ST18: variants seen among roughly 807,000 people sequenced by gnomAD.
ST18 encodes ST18 C2H2C-type zinc finger transcription factor.
ST18 carries 50 observed loss-of-function variants against 110.0 expected under a neutral mutation model. The observed-to-expected ratio is 0.45, with a 90% CI of 0.36 to 0.58. The LOEUF is 0.58. Among genes scored for constraint, ST18 ranks in the 20% least tolerant of loss-of-function variants. ST18 has a pLI of 0.00. For synonymous variants in ST18, 461 were observed against 452.4 expected (o/e 1.02, Z -0.24); for missense variants, 1,306 against 1,280.1 (o/e 1.02, Z -0.31).
intron 15 of ST18, among the ~76,000 whole-genome samples, chr8:52,156,372 C>T (rs1043524001): frequency 3.9e-5 from 6 of 152,194 alleles, no homozygotes; most frequent in Non-Finnish European, 7.3e-5. Context: ...CTTATTTCTA[C>T]ACATGAAACT....
intron 2 of ST18, among the ~76,000 whole-genome samples, chr8:52,337,237 A>G (rs1812549384): frequency 6.6e-6 from 1 of 152,380 alleles, no homozygotes; most frequent in East Asian, 1.9e-4. Flanking sequence ...TAAGAAAAAC[A>G]GAAAGATGGG....
intron 2 of ST18, among the ~76,000 whole-genome samples, chr8:52,368,201 A>G (rs1828903385): frequency 6.6e-6 from 1 of 152,158 alleles, no homozygotes; most frequent in African/African-American, 2.4e-5. Context: ...AGCATCCCTA[A>G]CACCCAAAAA....
chr8:52,272,070 C>T (rs1240046017), intron 2 of ST18, among the ~76,000 whole-genome samples: 1 of 152,068 alleles, frequency 6.6e-6, no homozygotes, highest in Non-Finnish European at 1.5e-5. Context: ...TGGATTAAAG[C>T]CTTAAATGTA....
At chr8:52,324,079 C>T (rs940289187) in intron 2 of ST18, among the ~76,000 whole-genome samples, 7 of 152,152 alleles carry the variant, frequency 4.6e-5, no homozygotes, top group African/African-American at 1.4e-4. Flanking sequence ...GAATGTTCCC[C>T]AGACTCTGTC....
At chr8:52,130,128 A>AAAAG (rs2048837229) in intron 22 of ST18, among the ~76,000 whole-genome samples, 2 of 132,420 alleles carry the variant, frequency 1.5e-5, no homozygotes, top group Admixed American at 7.2e-5. Context: ...GAAAAGAAAG[A>AAAAG]AAGAAAGAAA....
At chr8:52,232,343 A>C (rs1181975521) in intron 2 of ST18, among the ~76,000 whole-genome samples, 1 of 152,238 alleles carries the variant, frequency 6.6e-6, no homozygotes, top group Non-Finnish European at 1.5e-5. Context: ...ATCAAATATA[A>C]GCTCACAAAT....
intron 2 of ST18, among the ~76,000 whole-genome samples, chr8:52,268,666 C>T (rs757477809): frequency 5.3e-5 from 8 of 152,114 alleles, no homozygotes; most frequent in South Asian, 2.1e-4. Context: ...TCTAGAGGAG[C>T]GGTAAAGGAA....
chr8:52,118,305 C>CT (rs2043298141), intron 24 of ST18, 33 bp downstream of exon 24: 1 of 1,398,042 alleles, frequency 7.2e-7, no homozygotes, highest in Admixed American at 1.9e-5. Context: ...ATTATGATTA[C>CT]ATTAAGGATC....
rs544443605 is a variant in ST18, at chr8:52,378,647, C to T, written c.-465+30681G>A. 3.3e-5 allele frequency among the ~76,000 whole-genome samples: 5 copies of T among 152,274 alleles called. No individual in the cohort carries two copies. In the East Asian group the frequency reaches 5.8e-4, roughly 18 times the overall value. ...ATCCTATATACATATATGACCCAAG[C>T]ATAAGTTTTTCAAACATTGGGGAGT... On this transcript the variant is annotated intron_variant, in intron 2 of 25. Transcript: ENST00000689386.
intron 8 of ST18, among the ~76,000 whole-genome samples, chr8:52,202,540 C>T (rs892903991): frequency 6.6e-6 from 1 of 152,084 alleles, no homozygotes; most frequent in Non-Finnish European, 1.5e-5. Flanking sequence ...AATGACAAAA[C>T]AGCTACAATT....
intron 2 of ST18, among the ~76,000 whole-genome samples, chr8:52,305,377 C>A (rs1273603305): frequency 6.6e-6 from 1 of 152,196 alleles, no homozygotes. Context: ...ACTAAGCTGT[C>A]AGCCTCCTTG....
intron 18 of ST18, 59 bp downstream of exon 18, chr8:52,137,362 A>C: frequency 1.3e-6 from 2 of 1,564,036 alleles, no homozygotes; most frequent in Admixed American, 3.4e-5. Context: ...GGGTGAGAAT[A>C]AGTATTTAAA....
chr8:52,382,752 ATTTTTT>A (rs57816349), intron 2 of ST18, among the ~76,000 whole-genome samples: 1 of 143,344 alleles, frequency 7.0e-6, no homozygotes, highest in African/African-American at 2.6e-5. Context: ...TTCATTTACA[ATTTTTT>A]TTTTTTTTTG....
chr8:52,332,174 A>G (rs142792750), intron 2 of ST18, among the ~76,000 whole-genome samples: 3 of 152,290 alleles, frequency 2.0e-5, no homozygotes, highest in African/African-American at 7.2e-5. Context: ...ATATTATACT[A>G]AACAACCTAA....
At chr8:52,375,022 C>T (rs1831736782) in intron 2 of ST18, among the ~76,000 whole-genome samples, 1 of 152,058 alleles carries the variant, frequency 6.6e-6, no homozygotes, top group Non-Finnish European at 1.5e-5. Context: ...TAACACAAAC[C>T]CTCCAGACTC....
chr8:52,117,522 T>C (rs573783500), intron 24 of ST18, among the ~76,000 whole-genome samples: 1 of 152,334 alleles, frequency 6.6e-6, no homozygotes, highest in South Asian at 2.1e-4. Flanking sequence ...GGAATTCCCA[T>C]GATTTCTAGA....
chr8:52,375,281 A>C (rs1024236139), intron 2 of ST18, among the ~76,000 whole-genome samples: 37 of 152,078 alleles, frequency 2.4e-4, no homozygotes, highest in African/African-American at 8.9e-4. Context: ...CAACTCTTTT[A>C]TTTGCTCCCC....
intron 2 of ST18, among the ~76,000 whole-genome samples, chr8:52,367,405 G>C (rs1210968548): frequency 2.6e-5 from 4 of 152,096 alleles, no homozygotes; most frequent in Admixed American, 2.6e-4. Flanking sequence ...CTGGGCAATA[G>C]AGTGAGACTT....
chr8:52,372,854 T>C (rs761481747), intron 2 of ST18, among the ~76,000 whole-genome samples: 2 of 152,222 alleles, frequency 1.3e-5, no homozygotes, highest in African/African-American at 2.4e-5. Context: ...CATAACTATA[T>C]AGCAAAATGT....
Sources: allele counts gnomAD v4.1 joint callset (sites outside exome capture counted in the v4.1 genomes callset), GRCh38; gene constraint gnomAD v4.1.1; transcripts MANE v1.5; gene names NCBI Gene and HGNC (gene_info 2026-07-23, HGNC 2026-07-21).